Variants in MARCHF1 observed in about 807,000 individuals in gnomAD.
The protein encoded by MARCHF1 is E3 ubiquitin-protein ligase MARCHF1.
Under a neutral mutation model 54.2 loss-of-function variants are expected in MARCHF1, and 40 were observed. The ratio of observed to expected loss-of-function variants is 0.74; its 90% confidence interval spans 0.57 to 0.96. The LOEUF is 0.96. Ranked by LOEUF, MARCHF1 falls within the 40% of genes least tolerant of loss-of-function variation. The pLI is 0.00. For synonymous variants in MARCHF1, 236 were observed against 236.3 expected (o/e 1.00, Z 0.01); for missense variants, 586 against 656.5 (o/e 0.89, Z 1.17).
At chr4:164,217,358 TA>T (rs1731962645) in intron 1 of MARCHF1, among the ~76,000 whole-genome samples, 4 of 152,204 alleles carry the variant, frequency 2.6e-5, no homozygotes, top group Admixed American at 2.0e-4. Flanking sequence ...CAATTAAAGG[TA>T]AAAGTTTTGA....
At chr4:163,656,074 G>C (rs1743127518) in intron 5 of MARCHF1, among the ~76,000 whole-genome samples, 1 of 147,896 alleles carries the variant, frequency 6.8e-6, no homozygotes, top group Non-Finnish European at 1.5e-5. Context: ...AACTGAAGGA[G>C]ACAGAGACAC....
chr4:164,045,511 TTAAATAAATAAA>T lies in MARCHF1; in HGVS notation c.-247-56814_-247-56803del, dbSNP rs33998703. Reference sequence around the variant, plus strand: ...TGGGTGGTGGAGTGAGACTCCATCTTTAAATAAATAAATAAATAAATAAATAAATAAATAAAT... The same window carrying T: ...TGGGTGGTGGAGTGAGACTCCATCTTTAAATAAATAAATAAATAAATAAAT... On this transcript the variant is annotated intron_variant, in intron 2 of 9. Coordinates refer to ENST00000514618, the MANE Select transcript of MARCHF1 (RefSeq NM_001394959.1). 2.3e-4 allele frequency among the ~76,000 whole-genome samples: 34 copies of T among 145,434 alleles called. No homozygotes were observed. The East Asian group carries it at 2.7e-3, about 11-fold the overall frequency.
intron 3 of MARCHF1, among the ~76,000 whole-genome samples, chr4:163,909,210 T>C (rs949208085): frequency 1.3e-5 from 2 of 152,212 alleles, no homozygotes; most frequent in Admixed American, 1.3e-4. Context: ...GTAATTAAAT[T>C]GTGTTCACAC....
intron 1 of MARCHF1, among the ~76,000 whole-genome samples, chr4:164,117,658 G>C (rs1755965795): frequency 6.6e-6 from 1 of 152,024 alleles, no homozygotes; most frequent in Non-Finnish European, 1.5e-5. Flanking sequence ...CCAGCACTTT[G>C]GGAGGCCAAG....
intron 5 of MARCHF1, among the ~76,000 whole-genome samples, chr4:163,656,739 G>T (rs1743158503): frequency 6.6e-6 from 1 of 152,068 alleles, no homozygotes; most frequent in Non-Finnish European, 1.5e-5. Flanking sequence ...CAGGATGCAA[G>T]GCTGGTTCAA....
chr4:163,700,424 G>T (rs1376169398), intron 5 of MARCHF1, among the ~76,000 whole-genome samples: 2 of 151,894 alleles, frequency 1.3e-5, no homozygotes, highest in African/African-American at 4.8e-5. Flanking sequence ...AGAATCGCTT[G>T]AACCCAGAAG....
intron 1 of MARCHF1, among the ~76,000 whole-genome samples, chr4:164,367,095 A>T (rs1730900563): frequency 6.6e-6 from 1 of 152,082 alleles, no homozygotes; most frequent in Non-Finnish European, 1.5e-5. Context: ...CACCGGAGAG[A>T]GGGAATTTTT....
At chr4:164,242,812 C>A (rs1409123208) in intron 1 of MARCHF1, among the ~76,000 whole-genome samples, 2 of 151,690 alleles carry the variant, frequency 1.3e-5, no homozygotes, top group East Asian at 1.9e-4. Flanking sequence ...AACCAAGGCT[C>A]GAGAACTACG....
intron 2 of MARCHF1, among the ~76,000 whole-genome samples, chr4:164,076,203 G>A (rs1465124914): frequency 1.3e-5 from 2 of 150,978 alleles, no homozygotes; most frequent in African/African-American, 4.9e-5. Context: ...CAAACAAATT[G>A]GAATCAAGTA....
At chr4:164,040,430 A>G (rs1476953807) in intron 2 of MARCHF1, among the ~76,000 whole-genome samples, 1 of 147,426 alleles carries the variant, frequency 6.8e-6, no homozygotes, top group East Asian at 1.9e-4. Context: ...TTGTATATAT[A>G]AATATATAGG....
At chr4:164,238,049 T>G (rs1732616727) in intron 1 of MARCHF1, among the ~76,000 whole-genome samples, 1 of 152,124 alleles carries the variant, frequency 6.6e-6, no homozygotes. Context: ...TCAATGATTC[T>G]GGAAAACCAC....
At chr4:163,967,144 ATT>A (rs1752457852) in intron 3 of MARCHF1, among the ~76,000 whole-genome samples, 1 of 152,174 alleles carries the variant, frequency 6.6e-6, no homozygotes, top group Non-Finnish European at 1.5e-5. Flanking sequence ...GAATCAGATC[ATT>A]AAGGGACCTT....
intron 1 of MARCHF1, among the ~76,000 whole-genome samples, chr4:164,254,121 T>G (rs183921880): frequency 6.6e-6 from 1 of 152,050 alleles, no homozygotes; most frequent in African/African-American, 2.4e-5. Flanking sequence ...GAATTTTTTT[T>G]GAGAGAGTCT....
chr4:163,753,041 T>C (rs1205584931), intron 4 of MARCHF1, among the ~76,000 whole-genome samples: 1 of 152,168 alleles, frequency 6.6e-6, no homozygotes, highest in East Asian at 1.9e-4. Flanking sequence ...CACACACATA[T>C]ACCCATATTT....
At chr4:164,345,981 C>T (rs1027361330) in intron 1 of MARCHF1, among the ~76,000 whole-genome samples, 8 of 152,120 alleles carry the variant, frequency 5.3e-5, no homozygotes, top group South Asian at 2.1e-4. Context: ...AATAAATAAA[C>T]AAGATCAGGC....
intron 4 of MARCHF1, among the ~76,000 whole-genome samples, chr4:163,777,149 A>G (rs935890085): frequency 6.6e-6 from 1 of 152,200 alleles, no homozygotes; most frequent in African/African-American, 2.4e-5. Context: ...TCAATGAATC[A>G]TGTTTAAGTT....
chr4:163,961,427 TTAA>T (rs1752344498), intron 3 of MARCHF1, among the ~76,000 whole-genome samples: 2 of 152,022 alleles, frequency 1.3e-5, no homozygotes, highest in South Asian at 2.1e-4. Flanking sequence ...TCCTTTACTA[TTAA>T]TCTGTGGAAG....
At chr4:163,952,238 C>A (rs961417266) in intron 3 of MARCHF1, among the ~76,000 whole-genome samples, 1 of 152,154 alleles carries the variant, frequency 6.6e-6, no homozygotes, top group Non-Finnish European at 1.5e-5. Context: ...GATTATTTCA[C>A]ACATTCTTTT....
intron 2 of MARCHF1, among the ~76,000 whole-genome samples, chr4:164,047,310 T>A (rs1447267627): frequency 6.6e-6 from 1 of 152,096 alleles, no homozygotes; most frequent in East Asian, 1.9e-4. Context: ...AAATGAGAAT[T>A]CCTACAATCA....
Sources: allele counts gnomAD v4.1 joint callset (sites outside exome capture counted in the v4.1 genomes callset), GRCh38; gene constraint gnomAD v4.1.1; transcripts MANE v1.5; gene names NCBI Gene and HGNC (gene_info 2026-07-23, HGNC 2026-07-21).